IMMP2L: variants seen among roughly 807,000 people sequenced by gnomAD.
IMMP2L encodes mitochondrial inner membrane protease subunit 2.
A neutral mutation model predicts 19.3 loss-of-function variants in IMMP2L; 18 were observed. The ratio of observed to expected loss-of-function variants is 0.93; its 90% confidence interval spans 0.64 to 1.38. The LOEUF (loss-of-function observed/expected upper bound fraction) is 1.38. Ranked by LOEUF, IMMP2L falls within the 40% of genes most tolerant of loss-of-function variation. The pLI is 0.00. For synonymous variants in IMMP2L, 76 were observed against 73.0 expected, an observed-to-expected ratio of 1.04 and a Z score of -0.21; for missense variants, 233 against 218.2, an observed-to-expected ratio of 1.07 and a Z score of -0.43.
intron 3 of IMMP2L, among the ~76,000 whole-genome samples, chr7:111,393,324 C>T (rs1832566413): frequency 6.6e-6 from 1 of 152,154 alleles, no homozygotes; most frequent in Non-Finnish European, 1.5e-5. Flanking sequence ...CACTTTTTCA[C>T]AGATCTTACA....
intron 3 of IMMP2L, among the ~76,000 whole-genome samples, chr7:111,455,358 T>C (rs965556632): frequency 6.6e-6 from 1 of 151,778 alleles, no homozygotes; most frequent in Admixed American, 6.6e-5. Flanking sequence ...ACCCATTCTT[T>C]TTACATTTGA....
intron 3 of IMMP2L, among the ~76,000 whole-genome samples, chr7:111,400,116 A>G (rs1833283567): frequency 6.6e-6 from 1 of 152,060 alleles, no homozygotes; most frequent in Non-Finnish European, 1.5e-5. Context: ...TTATCACCTT[A>G]TATTTCTGAC....
intron 3 of IMMP2L, among the ~76,000 whole-genome samples, chr7:111,076,535 T>TTC (rs1389914762): frequency 6.6e-6 from 1 of 152,180 alleles, no homozygotes; most frequent in African/African-American, 2.4e-5. Context: ...CCTGAATGAC[T>TTC]CATTTGTCTT....
chr7:111,293,840 C>T (rs1821361978), intron 3 of IMMP2L, among the ~76,000 whole-genome samples: 1 of 151,886 alleles, frequency 6.6e-6, no homozygotes, highest in Non-Finnish European at 1.5e-5. Context: ...AGGTAAATAA[C>T]TGTTCAGTGT....
chr7:111,354,656 A>G (rs1473557121), intron 3 of IMMP2L, among the ~76,000 whole-genome samples: 1 of 151,812 alleles, frequency 6.6e-6, no homozygotes, highest in African/African-American at 2.4e-5. Context: ...CAATAAACTT[A>G]AAAATATAAA....
chr7:111,469,533 C>G (rs993857168), intron 3 of IMMP2L, among the ~76,000 whole-genome samples: 3 of 151,980 alleles, frequency 2.0e-5, no homozygotes, highest in African/African-American at 4.8e-5. Flanking sequence ...AATGGGAGTT[C>G]ACTCATGATT....
chr7:111,285,103 C>T (rs562945293), intron 3 of IMMP2L, among the ~76,000 whole-genome samples: 1 of 152,108 alleles, frequency 6.6e-6, no homozygotes, highest in Admixed American at 6.5e-5. Flanking sequence ...GACAGCATCA[C>T]ATAATAAAGG....
intron 3 of IMMP2L, among the ~76,000 whole-genome samples, chr7:110,967,195 C>T (rs1005315620): frequency 2.4e-4 from 36 of 152,028 alleles, no homozygotes; most frequent in African/African-American, 8.7e-4. Context: ...AGAATGGTTG[C>T]AGGCCAAGGA....
chr7:111,282,728 C>T (rs868835461), intron 3 of IMMP2L, among the ~76,000 whole-genome samples: 2 of 152,068 alleles, frequency 1.3e-5, no homozygotes, highest in African/African-American at 2.4e-5. Context: ...GGACCACAGG[C>T]GTGAGCCACA....
chr7:111,372,476 C>T (rs1830340533), intron 3 of IMMP2L, among the ~76,000 whole-genome samples: 1 of 151,994 alleles, frequency 6.6e-6, no homozygotes, highest in African/African-American at 2.4e-5. Context: ...CCAGATCCCA[C>T]TGGCTACTAT....
chr7:110,767,105 T>C (rs1457413872), intron 5 of IMMP2L, among the ~76,000 whole-genome samples: 1 of 152,180 alleles, frequency 6.6e-6, no homozygotes, highest in Non-Finnish European at 1.5e-5. Flanking sequence ...TAGTATTTAT[T>C]TTGCAAGATG....
chr7:110,962,844 A>G (rs2129555502), intron 4 of IMMP2L: 3 of 1,244,166 alleles, frequency 2.4e-6, no homozygotes, highest in African/African-American at 1.6e-5. Context: ...CATTTTGGCT[A>G]CCACATTGTA....
At chr7:110,980,085 G>T (rs1228502256) in intron 3 of IMMP2L, among the ~76,000 whole-genome samples, 1 of 151,898 alleles carries the variant, frequency 6.6e-6, no homozygotes, top group Non-Finnish European at 1.5e-5. Flanking sequence ...ACAATAAAAA[G>T]CCCTTTCATT....
At chr7:111,398,459 T>C (rs1370586923) in intron 3 of IMMP2L, among the ~76,000 whole-genome samples, 3 of 152,064 alleles carry the variant, frequency 2.0e-5, no homozygotes, top group Non-Finnish European at 4.4e-5. Context: ...AAAATCGACA[T>C]ACAAGGGACA....
intron 3 of IMMP2L, among the ~76,000 whole-genome samples, chr7:110,992,888 T>C (rs878974842): frequency 6.6e-6 from 1 of 152,124 alleles, no homozygotes; most frequent in Non-Finnish European, 1.5e-5. Flanking sequence ...AGAGATAAAA[T>C]AACTTGGCTT....
At chr7:111,217,124 T>TCACACACACACACA (rs1281616330) in intron 3 of IMMP2L, among the ~76,000 whole-genome samples, 1 of 102,642 alleles carries the variant, frequency 9.7e-6, no homozygotes, top group Admixed American at 9.8e-5. Context: ...TCTCTCTCTC[T>TCACACACACACACA]CTCACACACA....
intron 3 of IMMP2L, among the ~76,000 whole-genome samples, chr7:111,115,752 C>A (rs1202567011): frequency 6.6e-6 from 1 of 152,118 alleles, no homozygotes; most frequent in Non-Finnish European, 1.5e-5. Context: ...ACTGCAGCCA[C>A]CGCCTCCCAG....
chr7:110,745,357 C>T (rs552769395), intron 5 of IMMP2L, among the ~76,000 whole-genome samples: 3 of 152,298 alleles, frequency 2.0e-5, no homozygotes, highest in African/African-American at 7.2e-5. Context: ...ACTTCCCCAA[C>T]CTAGCAAGGC....
At chr7:110,918,399 G>A (rs576472460) in intron 4 of IMMP2L, among the ~76,000 whole-genome samples, 1 of 150,804 alleles carries the variant, frequency 6.6e-6, no homozygotes, top group South Asian at 2.1e-4. Context: ...CCTTATTTAA[G>A]ATGTGTGAGC....
Sources: gnomAD v4.1 joint callset for allele counts (sites outside exome capture counted in the v4.1 genomes callset) on GRCh38, gnomAD v4.1.1 for gene constraint, MANE v1.5 for transcripts, NCBI Gene and HGNC (gene_info 2026-07-23, HGNC 2026-07-21) for gene names.